THBS1: variants seen among roughly 807,000 people sequenced by gnomAD.
THBS1 encodes thrombospondin 1.
Under a neutral mutation model 126.1 loss-of-function variants are expected in THBS1, and 29 were observed. The observed-to-expected ratio is 0.23, with a 90% CI of 0.17 to 0.31. THBS1 has a LOEUF of 0.31. Among genes scored for constraint, THBS1 ranks in the 10% least tolerant of loss-of-function variants. The pLI is 1.00. For synonymous variants in THBS1, 496 were observed against 577.8 expected, an observed-to-expected ratio of 0.86 and a Z score of 2.03; for missense variants, 1,198 against 1,545.2, an observed-to-expected ratio of 0.78 and a Z score of 3.77.
chr15:39,585,622 C>A, intron 7 of THBS1, 59 bp downstream of exon 7: 1 of 1,515,592 alleles, frequency 6.6e-7, no homozygotes, highest in Non-Finnish European at 9.1e-7. Flanking sequence ...TACATACATC[C>A]TAGACAGCCG....
chr15:39,588,270 C>A, intron 9 of THBS1, 52 bp downstream of exon 9: 1 of 1,571,910 alleles, frequency 6.4e-7, no homozygotes. Flanking sequence ...CTCTGCCCAG[C>A]TGGTTGCCTG....
At chr15:39,584,561 A>G (rs900614229) in intron 6 of THBS1, 139 bp downstream of exon 6, 2 of 1,143,650 alleles carry the variant, frequency 1.7e-6, no homozygotes, top group Non-Finnish European at 2.4e-6. Flanking sequence ...TTTCTTTAAG[A>G]TGCAATTATG....
chr15:39,585,390 A>G, intron 6 of THBS1, 80 bp from the exon 7 acceptor site: 1 of 1,331,624 alleles, frequency 7.5e-7, no homozygotes, highest in Non-Finnish European at 1.1e-6. Flanking sequence ...TTTGGCTTGT[A>G]AAGGAAATGT....
At chr15:39,588,490 G>T (rs1890253776) in intron 9 of THBS1, 36 bp from the exon 10 acceptor site, 2 of 1,522,816 alleles carry the variant, frequency 1.3e-6, no homozygotes, top group South Asian at 1.3e-5. Flanking sequence ...TTTGAAAGTT[G>T]ATCTTAATTG....
At chr15:39,583,313 G>C (rs1890146943) in intron 3 of THBS1, among the ~76,000 whole-genome samples, 1 of 152,130 alleles carries the variant, frequency 6.6e-6, no homozygotes, top group African/African-American at 2.4e-5. Context: ...TTAACTCTTT[G>C]ACACTGGAAA....
chr15:39,590,555 T>G lies in THBS1; in HGVS notation c.2185T>G (p.Tyr729Asp). ...CCTTCCCAACTCAGGGCAGGAAGAC[T>G]ATGACAAGGATGGAATTGGTGATGC... ...PNLPNSGQEDYDKDGIGDACD... is the reference protein window; with the variant it reads ...PNLPNSGQEDDDKDGIGDACD... The change falls in exon 14 of 22, where the codon TAT (tyrosine) becomes GAT (aspartate). Residue 729 changes from tyrosine (Y) to aspartate (D), a missense_variant. Transcript: ENST00000260356. 1 of 1,613,984 alleles carries G rather than the reference T, an allele frequency of 6.2e-7. No homozygotes were observed. Among genetic ancestry groups the G allele is most frequent in the Non-Finnish European group, 8.5e-7 (1 of 1,179,994 alleles).
In THBS1 at chr15:39,596,860, CA is replaced by C. The variant is rs1475911046; in HGVS notation, c.*1495del. The C allele has an allele frequency of 2.0e-5, 3 of 152,094 alleles. No homozygotes were observed. Among genetic ancestry groups the C allele is most frequent in the African/African-American group, 7.2e-5 (3 of 41,416 alleles). The allele number at this position is 152,094 out of a possible 1,614,324, so 9.4% of individuals were successfully genotyped here. A position where few individuals can be genotyped will look rare whatever the true frequency, so the allele number is the denominator to read the frequency against. On this transcript the variant is annotated 3_prime_UTR_variant, in exon 22 of 22. Transcript: ENST00000260356. The stretch of plus-strand genomic sequence containing the variant: ...ATTTTTCCAAAAGAGAAAAAAATGA[CA>C]AAAGGTGAAACTTACATACAAATAT...
chr15:39,594,352 T>C lies in THBS1; in HGVS notation c.3417T>C (p.Tyr1139=), dbSNP rs758125331. ...KKIMADSGPI[Y]DKTYAGGRLG... ...TCATGGCTGACTCAGGACCCATCTATGATAAAACCTATGCTGGTGGTAGAC... is the reference window on the plus strand; with the variant it reads ...TCATGGCTGACTCAGGACCCATCTACGATAAAACCTATGCTGGTGGTAGAC... The change falls in exon 21 of 22, where the codon TAT becomes TAC. Residue 1139 remains tyrosine (Y), a synonymous_variant. Transcript: ENST00000260356. The surrounding 1 kb of genome is among the most constrained non-coding windows in gnomAD (Gnocchi z 4.4). 17 of 1,614,130 alleles carry C rather than the reference T, an allele frequency of 1.1e-5. No individual in the cohort carries two copies. Among genetic ancestry groups the C allele is most frequent in the African/African-American group, 2.7e-5 (2 of 74,948 alleles).
At chr15:39,586,306 T>C (rs534957645) in intron 7 of THBS1, among the ~76,000 whole-genome samples, 3 of 152,300 alleles carry the variant, frequency 2.0e-5, no homozygotes, top group African/African-American at 4.8e-5. Context: ...ATTAGCGATA[T>C]TGGCACTGTA....
In THBS1 at chr15:39,589,956, C is replaced by T. The variant is rs1227206862; in HGVS notation, c.2078C>T (p.Thr693Ile). Residue 693 changes from threonine to isoleucine, a missense_variant, in exon 13 of 22, where the codon ACA becomes ATA. Around this residue, in one of 4 missense-constraint regions of THBS1, gnomAD observed 663 missense variants for 860.1 expected, o/e 0.77. Transcript: ENST00000260356. The surrounding 1 kb of genome is among the most constrained non-coding windows in gnomAD (Gnocchi z 4.7). ...AATGGCATCATCTGCGGGGAGGACA[C>T]AGACCTGGATGGCTGGCCCAATGAG... is the stretch of plus-strand genomic sequence containing the variant. ...AGNGIICGED[T>I]DLDGWPNENL... is the part of the protein sequence containing the mutation. The T allele has an allele frequency of 2.5e-6, 4 of 1,613,908 alleles. No individual in the cohort carries two copies. In the African/African-American group the frequency reaches 5.3e-5, roughly 22 times the overall value.
intron 10 of THBS1, 89 bp from the exon 11 acceptor site, chr15:39,588,870 A>G: frequency 6.2e-7 from 1 of 1,609,976 alleles, no homozygotes; most frequent in Non-Finnish European, 8.5e-7. Flanking sequence ...ATACCCTATA[A>G]TATCTTACAC....
chr15:39,590,096 T>C, intron 13 of THBS1, 73 bp downstream of exon 13: 1 of 1,285,340 alleles, frequency 7.8e-7, no homozygotes, highest in Non-Finnish European at 1.1e-6. Context: ...TAAGGAATTT[T>C]AAATACTTAA....
intron 6 of THBS1, among the ~76,000 whole-genome samples, chr15:39,584,797 C>A (rs148528315): frequency 6.6e-6 from 1 of 151,864 alleles, no homozygotes. Context: ...TCTTTTAGTA[C>A]AGTAGCAATT....
chr15:39,587,558 C>A, intron 8 of THBS1, 38 bp downstream of exon 8: 1 of 1,576,168 alleles, frequency 6.3e-7, no homozygotes, highest in South Asian at 1.2e-5. Flanking sequence ...GGAGAACTGA[C>A]CTGTCCTTGT....
Position 39,594,287 on chromosome 15 carries a change from T to A in THBS1, c.3366-14T>A, listed in dbSNP as rs1890388623. 3 of 1,613,976 alleles carry A rather than the reference T, an allele frequency of 1.9e-6. No individual in the cohort carries two copies. The highest frequency in any genetic ancestry group is 2.5e-6 in the Non-Finnish European group (3 of 1,179,982). ...AATAGCATTGTCACTAAACAAGATT[T>A]TTTTTCCCTGCAGAGTGGTGATGTA... On this transcript the variant is annotated splice_polypyrimidine_tract_variant and intron_variant, in intron 20 of 21. Transcript: ENST00000260356. This position sits in a 1 kb window ranked among gnomAD's most constrained non-coding sequence, Gnocchi z 4.4.
chr15:39,589,755 T>A lies in THBS1; in HGVS notation c.1927-50T>A. On this transcript the variant is annotated intron_variant, in intron 12 of 21. Transcript: ENST00000260356. The surrounding 1 kb of genome is among the most constrained non-coding windows in gnomAD (Gnocchi z 4.7). ...GATCTGGATTCTTGTTTCCATGATA[T>A]CTGAGGATTCTCAAAAGCTCTGTGT... 3.9e-6 allele frequency: 6 copies of A among 1,519,016 alleles called. No homozygotes were observed. Among genetic ancestry groups the A allele is most frequent in the Non-Finnish European group, 5.3e-6 (6 of 1,129,798 alleles). The allele number at this position is 1,519,016 out of a possible 1,614,324, so 94.1% of individuals were successfully genotyped here.
rs199716466 is a variant in THBS1, at chr15:39,584,199, C to T, written c.903+12C>T. The stretch of plus-strand genomic sequence containing the variant: ...GCATCCGCAAAGTGGTCAGTGGCCT[C>T]TGCACCCAGCCCGTTAGCATGAACC... On this transcript the variant is annotated intron_variant, in intron 5 of 21. Transcript: ENST00000260356. 2 of 1,613,902 alleles carry T rather than the reference C, an allele frequency of 1.2e-6. No individual in the cohort carries two copies. The highest frequency in any genetic ancestry group is 3.3e-5 in the Admixed American group (2 of 60,006).
intron 10 of THBS1, 61 bp from the exon 11 acceptor site, chr15:39,588,898 A>C (rs1373487914): frequency 6.2e-7 from 1 of 1,613,882 alleles, no homozygotes. Flanking sequence ...AGTGCCCAGC[A>C]TGGCAGTATG....
At chr15:39,590,841 C>T (rs1271445380) in intron 14 of THBS1, 1 of 561,606 alleles carries the variant, frequency 1.8e-6, no homozygotes, top group African/African-American at 1.9e-5. Context: ...AACTGTTTTT[C>T]TCTGTACTTG....
Sources: gnomAD v4.1 joint callset for allele counts (sites outside exome capture counted in the v4.1 genomes callset) on GRCh38, gnomAD v4.1.1 for gene constraint, gnomAD v4.1.1 regional missense constraint, Gnocchi (gnomAD v3.1) non-coding constraint, MANE v1.5 for transcripts, NCBI Gene and HGNC (gene_info 2026-07-23, HGNC 2026-07-21) for gene names.